Variants in P3H2 observed in about 807,000 individuals in gnomAD.
P3H2 encodes prolyl 3-hydroxylase 2, also known as leprecan-like 1.
Under a neutral mutation model 87.0 loss-of-function variants are expected in P3H2, and 80 were observed. The ratio of observed to expected loss-of-function variants is 0.92; its 90% CI spans 0.77 to 1.11. The LOEUF is 1.11. Among genes scored for constraint, P3H2 ranks in the 50% least tolerant of loss-of-function variants. The pLI is 0.00. For synonymous variants in P3H2, 367 were observed against 359.3 expected (o/e 1.02, Z -0.24); for missense variants, 1,001 against 923.9 (o/e 1.08, Z -1.08).
At chr3:189,969,275 T>C (rs1296961642) in intron 13 of P3H2, 2 of 871,046 alleles carry the variant, frequency 2.3e-6, no homozygotes, top group Non-Finnish European at 3.9e-6. Flanking sequence ...TCTGGAACTG[T>C]GGTCATGTTG....
chr3:189,987,082 G>T lies in P3H2; in HGVS notation c.1099-205C>A, dbSNP rs539801010. On this transcript the variant is annotated intron_variant, in intron 5 of 14. Transcript: ENST00000319332. Reference sequence around the variant, plus strand: ...TGTGCTTCAGGCATAAATAAAGTTTGAAAGAACCGAGTTCAACAACCTTTG... The same window carrying T: ...TGTGCTTCAGGCATAAATAAAGTTTTAAAGAACCGAGTTCAACAACCTTTG... Among the ~76,000 whole-genome samples the T allele has an allele frequency of 4.6e-5, 7 of 152,310 alleles. No individual in the cohort carries two copies. The East Asian group carries it at 1.2e-3, about 25-fold the overall frequency.
At chr3:190,109,864 T>C (rs111689307) in intron 1 of P3H2, among the ~76,000 whole-genome samples, 18,083 of 129,420 alleles carry the variant, frequency 0.14, 1,186 homozygotes, top group Middle Eastern at 0.24. Context: ...TTTTTTTTTT[T>C]TTGACACAGG....
chr3:190,020,821 A>G (rs749219317), intron 1 of P3H2, among the ~76,000 whole-genome samples: 5 of 133,686 alleles, frequency 3.7e-5, no homozygotes, highest in Non-Finnish European at 8.3e-5. Context: ...TCCTTTTCCA[A>G]GGAGAGGTGG....
intron 14 of P3H2, 94 bp from the exon 15 acceptor site, chr3:189,958,098 A>T: frequency 1.1e-6 from 1 of 873,288 alleles, no homozygotes; most frequent in Non-Finnish European, 2.0e-6. Flanking sequence ...ATCCATCTGT[A>T]CATGGGTTGA....
intron 1 of P3H2, among the ~76,000 whole-genome samples, chr3:190,063,246 G>GT (rs1726389103): frequency 6.6e-6 from 1 of 152,130 alleles, no homozygotes; most frequent in East Asian, 1.9e-4. Flanking sequence ...CAGATAGCAA[G>GT]GGCTGTGGAT....
In P3H2 at chr3:189,957,441, TTGTGTGTGTGTGTGTGTGTGTGTGTG is replaced by T. The variant is rs3062107; in HGVS notation, c.*445_*470del. On this transcript the variant is annotated 3_prime_UTR_variant, in exon 15 of 15. Transcript: ENST00000319332. Reference sequence around the variant, plus strand: ...AGCTTTTGAATTTGCAGCAACTTAATTGTGTGTGTGTGTGTGTGTGTGTGTGTGTGTGTGTGTGTTTGGGGGAGGAG... The same window carrying T: ...AGCTTTTGAATTTGCAGCAACTTAATTGTGTGTGTGTGTTTGGGGGAGGAG... The T allele has an allele frequency of 3.9e-5, 10 of 258,106 alleles. No individual in the cohort carries two copies. The highest frequency in any genetic ancestry group is 5.7e-5 in the Non-Finnish European group (8 of 140,900). 16.0% of individuals were successfully genotyped at this position (258,106 alleles called of 1,614,324 possible).
At chr3:190,022,867 C>T (rs990107849) in intron 1 of P3H2, among the ~76,000 whole-genome samples, 1 of 151,982 alleles carries the variant, frequency 6.6e-6, no homozygotes, top group African/African-American at 2.4e-5. Context: ...CACTCTTTTG[C>T]CCAGGCCCGA....
At chr3:190,079,024 A>G (rs1005576086) in intron 1 of P3H2, among the ~76,000 whole-genome samples, 2 of 152,112 alleles carry the variant, frequency 1.3e-5, no homozygotes, top group Non-Finnish European at 2.9e-5. Flanking sequence ...GTAACCTCTG[A>G]CATCAACATT....
At chr3:189,964,629 TA>T (rs1405930298) in intron 13 of P3H2, among the ~76,000 whole-genome samples, 1 of 152,280 alleles carries the variant, frequency 6.6e-6, no homozygotes, top group Non-Finnish European at 1.5e-5. Context: ...CAAACATTTT[TA>T]AAAGTCATAA....
At chr3:190,100,861 A>T (rs1711600540) in intron 1 of P3H2, among the ~76,000 whole-genome samples, 1 of 152,118 alleles carries the variant, frequency 6.6e-6, no homozygotes, top group African/African-American at 2.4e-5. Context: ...TTTTTCACAA[A>T]TTGAAGGTTT....
At chr3:190,115,026 G>A (rs578184683) in intron 1 of P3H2, among the ~76,000 whole-genome samples, 2 of 152,120 alleles carry the variant, frequency 1.3e-5, no homozygotes, top group Non-Finnish European at 2.9e-5. Flanking sequence ...TAAGAGTGAG[G>A]AAATTCCTAG....
intron 1 of P3H2, among the ~76,000 whole-genome samples, chr3:190,097,505 C>A (rs1727623601): frequency 6.6e-6 from 1 of 152,148 alleles, no homozygotes; most frequent in South Asian, 2.1e-4. Context: ...AATGAGGCCC[C>A]CACATACTGT....
chr3:190,091,958 C>T (rs897040075), intron 1 of P3H2, among the ~76,000 whole-genome samples: 5 of 152,136 alleles, frequency 3.3e-5, no homozygotes, highest in African/African-American at 1.2e-4. Flanking sequence ...TCCAGCCATG[C>T]GCAGTGGCTC....
At chr3:190,081,339 T>C (rs971759491) in intron 1 of P3H2, among the ~76,000 whole-genome samples, 1 of 152,214 alleles carries the variant, frequency 6.6e-6, no homozygotes. Context: ...TACTTTGGTA[T>C]ATAATTAAGG....
chr3:190,033,040 G>C (rs754864948), intron 1 of P3H2, among the ~76,000 whole-genome samples: 1 of 152,188 alleles, frequency 6.6e-6, no homozygotes, highest in Non-Finnish European at 1.5e-5. Flanking sequence ...GACAGTGACA[G>C]ATCCTCAGGC....
intron 1 of P3H2, among the ~76,000 whole-genome samples, chr3:190,060,003 T>A (rs1014629372): frequency 6.6e-6 from 1 of 152,150 alleles, no homozygotes; most frequent in Non-Finnish European, 1.5e-5. Flanking sequence ...TTTGCCAACA[T>A]CAAGAATTTT....
intron 1 of P3H2, among the ~76,000 whole-genome samples, chr3:190,037,077 G>A (rs1239758381): frequency 6.6e-6 from 1 of 152,000 alleles, no homozygotes; most frequent in Non-Finnish European, 1.5e-5. Context: ...ATATTTTATA[G>A]TTTATTCTGG....
intron 6 of P3H2, among the ~76,000 whole-genome samples, chr3:189,985,346 A>G (rs1286948413): frequency 6.6e-6 from 1 of 151,652 alleles, no homozygotes; most frequent in Non-Finnish European, 1.5e-5. Flanking sequence ...ATTACAAGTT[A>G]AAATGATGTA....
intron 6 of P3H2, among the ~76,000 whole-genome samples, chr3:189,985,415 C>T (rs1469954188): frequency 3.3e-5 from 5 of 151,356 alleles, no homozygotes; most frequent in Non-Finnish European, 5.9e-5. Context: ...TTTCTTATCG[C>T]TGATAAATTT....
Sources: allele counts gnomAD v4.1 joint callset (sites outside exome capture counted in the v4.1 genomes callset), GRCh38; gene constraint gnomAD v4.1.1; transcripts MANE v1.5; gene names NCBI Gene and HGNC (gene_info 2026-07-23, HGNC 2026-07-21).